ADGRB3: variants seen among roughly 807,000 people sequenced by gnomAD.
The protein encoded by ADGRB3 is brain-specific angiogenesis inhibitor 3.
Under a neutral mutation model 193.4 loss-of-function variants are expected in ADGRB3, and 37 were observed. The observed-to-expected ratio is 0.19, with a 90% CI of 0.15 to 0.25. ADGRB3 has a LOEUF of 0.25. ADGRB3 is among the 10% of genes least tolerant of loss of function. The probability of loss-of-function intolerance (pLI) is 1.00; values close to 1 mark genes in which losing one functional copy is unlikely to be tolerated. For missense variants in ADGRB3, 1,637 were observed against 1,852.9 expected (o/e 0.88, Z 2.14); for synonymous variants, 690 against 644.2 (o/e 1.07, Z -1.08).
intron 3 of ADGRB3, among the ~76,000 whole-genome samples, chr6:68,760,223 G>A (rs1766371892): frequency 6.6e-6 from 1 of 152,070 alleles, no homozygotes; most frequent in Non-Finnish European, 1.5e-5. Context: ...TAAACATTTA[G>A]AATGTGAATT....
At chr6:68,640,728 A>G (rs1768066022) in intron 3 of ADGRB3, among the ~76,000 whole-genome samples, 1 of 152,176 alleles carries the variant, frequency 6.6e-6, no homozygotes, top group African/African-American at 2.4e-5. Flanking sequence ...AGGCTTTGTA[A>G]GGGGAAGTGG....
chr6:69,099,027 C>T (rs904719234), intron 17 of ADGRB3, among the ~76,000 whole-genome samples: 6 of 152,158 alleles, frequency 3.9e-5, no homozygotes, highest in East Asian at 1.9e-4. Context: ...AATTTTGATA[C>T]TAAAGTCAAG....
chr6:69,195,522 CAAAAAAAAA>C (rs542731165), intron 17 of ADGRB3, among the ~76,000 whole-genome samples: 4 of 65,124 alleles, frequency 6.1e-5, no homozygotes, highest in African/African-American at 2.0e-4. Flanking sequence ...TATCCTGTCT[CAAAAAAAAA>C]AAAAAAAAAA....
intron 3 of ADGRB3, among the ~76,000 whole-genome samples, chr6:68,689,738 G>A (rs1376836974): frequency 6.6e-6 from 1 of 151,964 alleles, no homozygotes; most frequent in Non-Finnish European, 1.5e-5. Flanking sequence ...ATAAGGAGCT[G>A]TTAATTTATG....
rs573435929 is a variant in ADGRB3, at chr6:69,180,895, G to A, written c.2481-52395G>A. ...TGTATGCCCCGGGATTAAAAATGGC[G>A]TCCTGCTCTTGCTCCTGGTTCTGGG... is the stretch of plus-strand genomic sequence containing the variant. On this transcript the variant is annotated intron_variant, in intron 17 of 31. Coordinates refer to ENST00000370598, the MANE Select transcript of ADGRB3 (RefSeq NM_001704.3). 4.5e-4 allele frequency among the ~76,000 whole-genome samples: 68 copies of A among 152,232 alleles called. 1 individual carries two copies. In the South Asian group the frequency reaches 0.011, roughly 26 times the overall value.
At chr6:69,356,532 T>C (rs187094350) in intron 28 of ADGRB3, among the ~76,000 whole-genome samples, 33 of 151,542 alleles carry the variant, frequency 2.2e-4, no homozygotes, top group Admixed American at 1.5e-3. Context: ...ACAAGAGAAA[T>C]GAGAGAAAAA....
chr6:69,078,350 C>T (rs963039402), intron 17 of ADGRB3, among the ~76,000 whole-genome samples: 1 of 151,988 alleles, frequency 6.6e-6, no homozygotes, highest in African/African-American at 2.4e-5. Context: ...TCCACATCCA[C>T]CCATATCTCT....
intron 17 of ADGRB3, among the ~76,000 whole-genome samples, chr6:69,094,899 A>G (rs1309137211): frequency 6.6e-6 from 1 of 152,172 alleles, no homozygotes; most frequent in East Asian, 1.9e-4. Context: ...TATAAAATGA[A>G]ACTGCACACT....
chr6:68,784,762 T>C (rs1031876705), intron 3 of ADGRB3, among the ~76,000 whole-genome samples: 30 of 152,150 alleles, frequency 2.0e-4, no homozygotes, highest in Non-Finnish European at 5.9e-5. Context: ...TCTTTGATTT[T>C]ACTTTCTCGT....
At chr6:68,694,134 A>G (rs1765120402) in intron 3 of ADGRB3, among the ~76,000 whole-genome samples, 1 of 152,040 alleles carries the variant, frequency 6.6e-6, no homozygotes, top group Admixed American at 6.6e-5. Context: ...CACCAGGAAC[A>G]CATGGTGGCA....
chr6:69,228,855 G>A (rs950609094), intron 17 of ADGRB3, among the ~76,000 whole-genome samples: 3 of 152,066 alleles, frequency 2.0e-5, no homozygotes, highest in African/African-American at 4.8e-5. Context: ...CTCACTCTGT[G>A]ACTTAAAACA....
intron 11 of ADGRB3, among the ~76,000 whole-genome samples, chr6:69,005,680 C>T (rs982492360): frequency 6.6e-6 from 1 of 152,128 alleles, no homozygotes; most frequent in African/African-American, 2.4e-5. Flanking sequence ...TGGCAGGTTG[C>T]AGTGGGAAAG....
intron 3 of ADGRB3, among the ~76,000 whole-genome samples, chr6:68,743,659 A>G (rs919561062): frequency 2.0e-5 from 3 of 152,142 alleles, no homozygotes; most frequent in Non-Finnish European, 4.4e-5. Context: ...TCCCCAAAAT[A>G]TGAGAAATAA....
chr6:69,347,266 T>A (rs1248010384), intron 26 of ADGRB3, among the ~76,000 whole-genome samples: 1 of 151,980 alleles, frequency 6.6e-6, no homozygotes, highest in Non-Finnish European at 1.5e-5. Context: ...AGATGATGGG[T>A]TGATGGGTGC....
intron 3 of ADGRB3, among the ~76,000 whole-genome samples, chr6:68,842,224 A>G (rs140147039): frequency 1.3e-5 from 2 of 152,080 alleles, no homozygotes; most frequent in East Asian, 1.9e-4. Flanking sequence ...TACAAAAATC[A>G]ATGAACCAAA....
chr6:69,102,026 A>T (rs923308553), intron 17 of ADGRB3, among the ~76,000 whole-genome samples: 2 of 151,876 alleles, frequency 1.3e-5, no homozygotes, highest in Non-Finnish European at 2.9e-5. Context: ...AAATACAAAA[A>T]ATTAGCCGGG....
intron 3 of ADGRB3, among the ~76,000 whole-genome samples, chr6:68,696,017 C>T: frequency 6.6e-6 from 1 of 152,096 alleles, no homozygotes; most frequent in Non-Finnish European, 1.5e-5. Context: ...GGGGTAGTCT[C>T]TTTTCAGGTT....
intron 17 of ADGRB3, among the ~76,000 whole-genome samples, chr6:69,144,424 A>G (rs533793521): frequency 6.6e-6 from 1 of 152,286 alleles, no homozygotes; most frequent in Admixed American, 6.5e-5. Context: ...TGATTACACT[A>G]GCTAGAATGT....
chr6:69,303,389 T>A (rs1285923775), intron 20 of ADGRB3, among the ~76,000 whole-genome samples: 1 of 151,862 alleles, frequency 6.6e-6, no homozygotes, highest in Non-Finnish European at 1.5e-5. Flanking sequence ...GCCTCTTCCA[T>A]CTTGGCCACC....
Sources: allele counts gnomAD v4.1 joint callset (sites outside exome capture counted in the v4.1 genomes callset), GRCh38; gene constraint gnomAD v4.1.1; transcripts MANE v1.5; gene names NCBI Gene and HGNC (gene_info 2026-07-23, HGNC 2026-07-21).